The following PREX1 variants were observed in gnomAD, a reference collection of about 807,000 sequenced individuals.
The protein encoded by PREX1 is phosphatidylinositol 3,4,5-trisphosphate-dependent Rac exchanger 1 protein.
PREX1 carries 41 observed loss-of-function variants against 198.3 expected under a neutral mutation model. The observed-to-expected ratio is 0.21, with a 90% CI of 0.16 to 0.27. The LOEUF is 0.27. Ranked by LOEUF, PREX1 falls within the 10% of genes least tolerant of loss-of-function variation. PREX1 has a pLI of 1.00. For synonymous variants in PREX1, 843 were observed against 887.2 expected (o/e 0.95, Z 0.89); for missense variants, 1,620 against 2,200.7 (o/e 0.74, Z 5.28).
At chr20:48,885,187 A>C in the PREX1 span, among the ~76,000 whole-genome samples, 2 of 152,188 alleles carry the variant, frequency 1.3e-5, no homozygotes. Context: ...CATCATCATC[A>C]CTATAGGTCA....
At chr20:48,649,657 T>C (rs2089477572) in intron 24 of PREX1, 81 bp from the exon 25 acceptor site, 1 of 1,434,546 alleles carries the variant, frequency 7.0e-7, no homozygotes. Flanking sequence ...TACAAACCCA[T>C]TTCAAGGATC....
chr20:48,848,474 C>G, the PREX1 span, among the ~76,000 whole-genome samples: 2 of 152,004 alleles, frequency 1.3e-5, no homozygotes, highest in Admixed American at 6.6e-5. Flanking sequence ...CCAGACTGGT[C>G]TTGAACTCCT....
intron 19 of PREX1, 24 bp from the exon 20 acceptor site, chr20:48,653,521 G>A (rs372782735): frequency 6.3e-7 from 1 of 1,590,992 alleles, no homozygotes; most frequent in Non-Finnish European, 8.6e-7. Context: ...GAGCACATGA[G>A]GCTGGATGCC....
chr20:48,747,472 G>A (rs977392234), intron 2 of PREX1, among the ~76,000 whole-genome samples: 1 of 152,230 alleles, frequency 6.6e-6, no homozygotes, highest in African/African-American at 2.4e-5. Flanking sequence ...GGGGGCACTT[G>A]GGAGAGGATT....
Position 48,632,398 on chromosome 20 carries a change from G to A in PREX1, c.4412-7C>T. On this transcript the variant is annotated splice_polypyrimidine_tract_variant and splice_region_variant and intron_variant, in intron 34 of 39. Transcript: ENST00000371941. ...CCCTCCACGTTCTCCAGCACTGGGA[G>A]GGGAGATGTCGGGGGCGGGCAGGCG... 3 of 1,613,660 alleles carry A rather than the reference G, an allele frequency of 1.9e-6. No homozygotes were observed. The highest frequency in any genetic ancestry group is 1.1e-5 in the South Asian group (1 of 91,062).
At chr20:48,656,604 C>G (rs955090858) in intron 18 of PREX1, 5 of 454,084 alleles carry the variant, frequency 1.1e-5, no homozygotes, top group Admixed American at 7.1e-5. Context: ...TTGACTCCCC[C>G]CTCATCTGCT....
At chr20:48,868,480 C>G in the PREX1 span, among the ~76,000 whole-genome samples, 1 of 152,096 alleles carries the variant, frequency 6.6e-6, no homozygotes, top group Non-Finnish European at 1.5e-5. Flanking sequence ...TGTGTCACCA[C>G]ACCTAGCTAA....
At chr20:48,750,994 A>C (rs528288888) in intron 1 of PREX1, among the ~76,000 whole-genome samples, 66 of 152,352 alleles carry the variant, frequency 4.3e-4, no homozygotes, top group Middle Eastern at 3.4e-3. Flanking sequence ...GTCATGGGAT[A>C]AAGTGAATGG....
At chr20:48,769,179 C>T (rs1968712568) in intron 1 of PREX1, among the ~76,000 whole-genome samples, 1 of 152,214 alleles carries the variant, frequency 6.6e-6, no homozygotes, top group Non-Finnish European at 1.5e-5. Context: ...ACACACACCC[C>T]CTCGCTGCCT....
the PREX1 span, among the ~76,000 whole-genome samples, chr20:48,881,162 G>A: frequency 6.6e-6 from 1 of 152,132 alleles, no homozygotes. Flanking sequence ...GCGTGGGGGA[G>A]TGGGTAGGAG....
the PREX1 span, among the ~76,000 whole-genome samples, chr20:48,847,093 C>T: frequency 1.3e-5 from 2 of 152,068 alleles, no homozygotes; most frequent in Non-Finnish European, 2.9e-5. Flanking sequence ...CTACCCACAC[C>T]CGGGGCCTGC....
chr20:48,825,706 T>C (rs1267385512), intron 1 of PREX1, among the ~76,000 whole-genome samples: 1 of 151,866 alleles, frequency 6.6e-6, no homozygotes, highest in Non-Finnish European at 1.5e-5. Context: ...AATTGGTTTG[T>C]ATTTCCTGTT....
chr20:48,777,323 C>T (rs369748303), intron 1 of PREX1, among the ~76,000 whole-genome samples: 31 of 152,282 alleles, frequency 2.0e-4, no homozygotes, highest in African/African-American at 7.2e-4. Flanking sequence ...CGGCCACACA[C>T]CACCATTCTC....
intron 20 of PREX1, 59 bp downstream of exon 20, chr20:48,653,302 A>G: frequency 6.3e-7 from 1 of 1,588,868 alleles, no homozygotes; most frequent in African/African-American, 1.3e-5. Context: ...GACAGCCCTC[A>G]GCCACCCACC....
chr20:48,814,458 G>T (rs189927976), intron 1 of PREX1, among the ~76,000 whole-genome samples: 1 of 152,306 alleles, frequency 6.6e-6, no homozygotes, highest in East Asian at 1.9e-4. Flanking sequence ...AAAGAGAAAG[G>T]GGGGTCCTTG....
At chr20:48,743,950 C>T (rs1036675383) in intron 3 of PREX1, among the ~76,000 whole-genome samples, 2 of 152,166 alleles carry the variant, frequency 1.3e-5, no homozygotes, top group Non-Finnish European at 2.9e-5. Context: ...TCATCTTAGG[C>T]TCTAGCCACT....
At chr20:48,842,629 C>T in the PREX1 span, among the ~76,000 whole-genome samples, 3 of 150,884 alleles carry the variant, frequency 2.0e-5, no homozygotes, top group Non-Finnish European at 4.4e-5. Context: ...GTAGCCGTGT[C>T]TCCATCCTTA....
chr20:48,660,493 A>T (rs935982017), intron 15 of PREX1, among the ~76,000 whole-genome samples: 1 of 152,202 alleles, frequency 6.6e-6, no homozygotes, highest in Non-Finnish European at 1.5e-5. Context: ...GGGGGAAAAA[A>T]ATTGAATCCC....
intron 7 of PREX1, among the ~76,000 whole-genome samples, chr20:48,697,296 G>C (rs530073879): frequency 3.3e-5 from 5 of 152,102 alleles, no homozygotes; most frequent in Admixed American, 3.3e-4. Flanking sequence ...CATATAACAG[G>C]TAGGAAAAGA....
Sources: gnomAD v4.1 joint callset for allele counts (sites outside exome capture counted in the v4.1 genomes callset) on GRCh38, gnomAD v4.1.1 for gene constraint, MANE v1.5 for transcripts, NCBI Gene and HGNC (gene_info 2026-07-23, HGNC 2026-07-21) for gene names.